FAM135A: variants seen among roughly 807,000 people sequenced by gnomAD.
The protein encoded by FAM135A is family with sequence similarity 135 member A, also known as protein FAM135A.
FAM135A carries 79 observed loss-of-function variants against 146.8 expected under a neutral mutation model. The observed-to-expected ratio is 0.54, with a 90% confidence interval of 0.45 to 0.65. The LOEUF is 0.65. Among genes scored for constraint, FAM135A ranks in the 30% least tolerant of loss-of-function variants. The pLI, the probability that FAM135A is intolerant of heterozygous loss-of-function variation, is 0.00. For missense variants in FAM135A, 1,623 were observed against 1,758.2 expected (o/e 0.92, Z 1.38); for synonymous variants, 562 against 603.6 (o/e 0.93, Z 1.01).
In FAM135A at chr6:70,480,965, G is replaced by A. The variant is rs143901584; in HGVS notation, c.607G>A (p.Val203Met). 8.1e-5 allele frequency: 130 copies of A among 1,612,322 alleles called. 2 individuals carry two copies. The highest frequency in any genetic ancestry group is 1.6e-4 in the Middle Eastern group (1 of 6,070). The change falls in exon 9 of 22, where the codon GTG (valine) becomes ATG (methionine). Residue 203 changes from valine (V) to methionine (M), a missense_variant. Coordinates refer to ENST00000418814, the MANE Select transcript of FAM135A (RefSeq NM_001162529.3). Reference sequence around the variant, plus strand: ...TGCACCAGCACAAAACAAAGATTCCGTGATTCCTACTCTTGAAAGTGTGGT... The same window carrying A: ...TGCACCAGCACAAAACAAAGATTCCATGATTCCTACTCTTGAAAGTGTGGT... Reference protein sequence around the residue: ...RNAPAQNKDSVIPTLESVVFG... With the variant: ...RNAPAQNKDSMIPTLESVVFG...
intron 11 of FAM135A, among the ~76,000 whole-genome samples, chr6:70,498,415 C>CA (rs1013717001): frequency 5.9e-5 from 9 of 151,660 alleles, no homozygotes; most frequent in Admixed American, 1.3e-4. Context: ...TTAATCTTTT[C>CA]AAAAAAACCA....
At position 70,517,347 on chromosome 6, in the gene FAM135A, A is replaced by T. The variant is rs191992338; in HGVS notation, c.1030-5166A>T. 5.6e-3 allele frequency among the ~76,000 whole-genome samples: 851 copies of T among 151,046 alleles called. 3 individuals are homozygous for T. The highest frequency in any genetic ancestry group is 8.2e-3 in the Non-Finnish European group (558 of 67,706). ...GGAGTTCCAGACCAGCCTGGGCAAG[A>T]TGGGGAAACCTCATCTCTACAAAAA... On this transcript the variant is annotated intron_variant, in intron 12 of 21. Coordinates refer to ENST00000418814, the MANE Select transcript of FAM135A (RefSeq NM_001162529.3).
intron 4 of FAM135A, among the ~76,000 whole-genome samples, chr6:70,434,034 C>A (rs1772376949): frequency 1.3e-5 from 2 of 152,140 alleles, no homozygotes; most frequent in Admixed American, 1.3e-4. Flanking sequence ...AAGCACTGAT[C>A]ATAAATATGA....
chr6:70,486,248 C>G (rs764218702), intron 10 of FAM135A: 1 of 1,612,748 alleles, frequency 6.2e-7, no homozygotes, highest in African/African-American at 1.3e-5. Context: ...CATCTAGGTA[C>G]GTTTACAAAT....
At chr6:70,497,904 A>G (rs1209180456) in intron 11 of FAM135A, among the ~76,000 whole-genome samples, 2 of 152,142 alleles carry the variant, frequency 1.3e-5, no homozygotes, top group African/African-American at 4.8e-5. Flanking sequence ...TTTCTCATTG[A>G]TGTTCATCAG....
intron 18 of FAM135A, among the ~76,000 whole-genome samples, chr6:70,534,385 T>C (rs574682992): frequency 1.0e-4 from 14 of 138,966 alleles, no homozygotes; most frequent in African/African-American, 3.7e-4. Context: ...AGTGGCGCCA[T>C]CTCGGCTCAC....
At chr6:70,477,040 CTT>C (rs1782742231) in intron 7 of FAM135A, 117 bp from the exon 8 acceptor site, 3 of 1,062,548 alleles carry the variant, frequency 2.8e-6, no homozygotes, top group South Asian at 4.1e-5. Flanking sequence ...AAAAATTACT[CTT>C]ATTCGAAATT....
rs1476321737 is a variant in FAM135A, at chr6:70,482,166, G to T, written c.823+12G>T. On this transcript the variant is annotated intron_variant, in intron 10 of 21. Coordinates refer to ENST00000418814, the MANE Select transcript of FAM135A (RefSeq NM_001162529.3). The stretch of plus-strand genomic sequence containing the variant: ...GAAACTAGAACTGGGTATGTTAAAA[G>T]TAGCGAGACTTATTCTACAGTTCAA... 6.2e-7 allele frequency: 1 copy of T among 1,612,292 alleles called. No homozygotes were observed. The highest frequency in any genetic ancestry group is 1.7e-5 in the Admixed American group (1 of 59,872).
chr6:70,552,362 G>A (rs979292794), intron 20 of FAM135A, among the ~76,000 whole-genome samples: 1 of 151,792 alleles, frequency 6.6e-6, no homozygotes, highest in Non-Finnish European at 1.5e-5. Context: ...AATGAGGCAT[G>A]CCTGTACACA....
At chr6:70,533,086 G>A in intron 16 of FAM135A, 74 bp from the exon 17 acceptor site, 4 of 1,211,100 alleles carry the variant, frequency 3.3e-6, no homozygotes, top group Non-Finnish European at 4.8e-6. Context: ...TCTAAAAACT[G>A]TAAAAATATG....
intron 18 of FAM135A, 160 bp from the exon 19 acceptor site, chr6:70,536,098 TCC>T: frequency 1.8e-6 from 1 of 567,298 alleles, no homozygotes; most frequent in African/African-American, 2.0e-5. Context: ...TCACATTTTT[TCC>T]TTCAAAATGT....
chr6:70,515,927 AAAAT>A (rs968421022), intron 12 of FAM135A, among the ~76,000 whole-genome samples: 9 of 152,172 alleles, frequency 5.9e-5, no homozygotes, highest in Non-Finnish European at 1.0e-4. Context: ...CTGTAAAAAA[AAAAT>A]AAAGTAACTT....
At chr6:70,553,352 T>C (rs1361782321) in intron 20 of FAM135A, among the ~76,000 whole-genome samples, 1 of 152,234 alleles carries the variant, frequency 6.6e-6, no homozygotes, top group African/African-American at 2.4e-5. Context: ...TACAGCATTT[T>C]AACCCTAAAC....
intron 2 of FAM135A, among the ~76,000 whole-genome samples, chr6:70,424,924 G>C (rs1769704343): frequency 6.6e-6 from 1 of 152,070 alleles, no homozygotes; most frequent in South Asian, 2.1e-4. Flanking sequence ...TAATTACTAA[G>C]CTAGTACCAC....
At chr6:70,550,573 A>T (rs1432543761) in intron 20 of FAM135A, among the ~76,000 whole-genome samples, 2 of 152,196 alleles carry the variant, frequency 1.3e-5, no homozygotes, top group Non-Finnish European at 2.9e-5. Context: ...AATATTCAGT[A>T]ACCCATGCTG....
intron 12 of FAM135A, among the ~76,000 whole-genome samples, chr6:70,518,480 AAAC>A (rs1792804894): frequency 6.6e-6 from 1 of 152,236 alleles, no homozygotes; most frequent in Admixed American, 6.5e-5. Flanking sequence ...TGGCTGCACT[AAAC>A]AACAGGTTTT....
At chr6:70,445,960 C>G (rs1390960116) in intron 4 of FAM135A, among the ~76,000 whole-genome samples, 1 of 152,240 alleles carries the variant, frequency 6.6e-6, no homozygotes, top group Non-Finnish European at 1.5e-5. Context: ...TCTGCATCTG[C>G]AGACTATACA....
At chr6:70,447,086 T>C (rs1018729448) in intron 4 of FAM135A, among the ~76,000 whole-genome samples, 1 of 152,220 alleles carries the variant, frequency 6.6e-6, no homozygotes, top group Admixed American at 6.5e-5. Context: ...ATTGAGCGGG[T>C]TGAATTGGCC....
intron 20 of FAM135A, among the ~76,000 whole-genome samples, chr6:70,547,127 G>T (rs934566771): frequency 5.9e-5 from 9 of 152,086 alleles, no homozygotes; most frequent in Non-Finnish European, 1.0e-4. Context: ...TTTACCAGCT[G>T]TTGAATTCTG....
Sources: allele counts gnomAD v4.1 joint callset (sites outside exome capture counted in the v4.1 genomes callset), GRCh38; gene constraint gnomAD v4.1.1; transcripts MANE v1.5; gene names NCBI Gene and HGNC (gene_info 2026-07-23, HGNC 2026-07-21).